ATXN10: variants seen among roughly 807,000 people sequenced by gnomAD.
ATXN10 encodes ataxin-10.
ATXN10 carries 28 observed loss-of-function variants against 52.9 expected under a neutral mutation model. The ratio of observed to expected loss-of-function variants is 0.53; its 90% CI spans 0.39 to 0.73. ATXN10 has a LOEUF of 0.73. Among genes scored for constraint, ATXN10 ranks in the 30% least tolerant of loss-of-function variants. ATXN10 has a pLI of 0.00. For missense variants in ATXN10, 565 were observed against 577.0 expected (o/e 0.98, Z 0.21); for synonymous variants, 226 against 221.5 (o/e 1.02, Z -0.18).
rs1928572603 is a variant in ATXN10, at chr22:45,819,252, G to GAATAGAATAGAATA, written c.1237+12230_1237+12231insAATAGAATAGAATA. Among the ~76,000 whole-genome samples, 1 of 143,194 alleles carries GAATAGAATAGAATA rather than the reference G, an allele frequency of 7.0e-6. No individual in the cohort carries two copies. 93.9% of individuals were successfully genotyped at this position (143,194 alleles called of 152,430 possible). ...GAATAGAATAGAATAGAATAGAATAGGCTTTTATAATTCTTAACTTTGTAT... is the reference window on the plus strand; with the variant it reads ...GAATAGAATAGAATAGAATAGAATAGAATAGAATAGAATAGCTTTTATAATTCTTAACTTTGTAT... On this transcript the variant is annotated intron_variant, in intron 10 of 11. Transcript: ENST00000252934. This position sits in a 1 kb window ranked among gnomAD's most constrained non-coding sequence, Gnocchi z 4.5.
At chr22:45,723,075 C>T (rs964008304) in intron 6 of ATXN10, among the ~76,000 whole-genome samples, 6 of 151,990 alleles carry the variant, frequency 3.9e-5, no homozygotes, top group African/African-American at 9.7e-5. Context: ...ATTTAGAGTA[C>T]GCATTTGGGC....
Position 45,701,420 on chromosome 22 carries a change from C to T in ATXN10, c.488+1042C>T, listed in dbSNP as rs1923839836. Among the ~76,000 whole-genome samples the T allele has an allele frequency of 6.6e-6, 1 of 152,126 alleles. No homozygotes were observed. The highest frequency in any genetic ancestry group is 2.4e-5 in the African/African-American group (1 of 41,416). On this transcript the variant is annotated intron_variant, in intron 4 of 11. Transcript: ENST00000252934. This position sits in a 1 kb window ranked among gnomAD's most constrained non-coding sequence, Gnocchi z 4.2. The stretch of plus-strand genomic sequence containing the variant: ...CCTTGTTGTACAGCTTTCCTGGGCT[C>T]CTCTGTGAAGTATAGCGTTAAGATG...
Position 45,837,721 on chromosome 22 carries a change from G to A in ATXN10, c.1238-5270G>A, listed in dbSNP as rs529792294. On this transcript the variant is annotated intron_variant, in intron 10 of 11. Transcript: ENST00000252934. The surrounding 1 kb of genome is among the most constrained non-coding windows in gnomAD (Gnocchi z 5.8). The stretch of plus-strand genomic sequence containing the variant: ...TCCACCCTGCCCTTGCAGTGTGACA[G>A]CAGCCGCCAACACAGGCAAGTGATG... Among the ~76,000 whole-genome samples the A allele has an allele frequency of 4.5e-4, 68 of 152,360 alleles. No homozygotes were observed. The highest frequency in any genetic ancestry group is 1.5e-3 in the African/African-American group (64 of 41,582).
At position 45,697,220 on chromosome 22, in the gene ATXN10, C is replaced by T. The variant is rs146243764; in HGVS notation, c.392-3062C>T. On this transcript the variant is annotated intron_variant, in intron 3 of 11. Coordinates refer to ENST00000252934, the MANE Select transcript of ATXN10 (RefSeq NM_013236.4). Reference sequence around the variant, plus strand: ...CACAATCTCGGCTCACTACAGTCTCCGCCTCCCAGGTTCAAGCAATTCTCC... The same window carrying T: ...CACAATCTCGGCTCACTACAGTCTCTGCCTCCCAGGTTCAAGCAATTCTCC... Among the ~76,000 whole-genome samples, 777 of 152,012 alleles carry T rather than the reference C, an allele frequency of 5.1e-3. 8 individuals are homozygous for T. The highest frequency in any genetic ancestry group is 5.1e-3 in the Non-Finnish European group (348 of 67,956).
At position 45,784,024 on chromosome 22, in the gene ATXN10, A is replaced by G. The variant is rs1246370020; in HGVS notation, c.1174-22935A>G. Among the ~76,000 whole-genome samples, 2 of 152,158 alleles carry G rather than the reference A, an allele frequency of 1.3e-5. No individual in the cohort carries two copies. Among genetic ancestry groups the G allele is most frequent in the Non-Finnish European group, 2.9e-5 (2 of 68,026 alleles). On this transcript the variant is annotated intron_variant, in intron 9 of 11. Coordinates refer to ENST00000252934, the MANE Select transcript of ATXN10 (RefSeq NM_013236.4). This position sits in a 1 kb window ranked among gnomAD's most constrained non-coding sequence, Gnocchi z 4.2. ...GCCGTCCCCTGTCCTACAGCAGGCC[A>G]GGTCTGTGTCACTGGCCCTCCCTCT... is the stretch of plus-strand genomic sequence containing the variant.
chr22:45,774,184 T>A lies in ATXN10; in HGVS notation c.1174-32775T>A, dbSNP rs944665336. ...ATGTCTGGGGGTGGCCCTGCCTTAG[T>A]AGGCATGGTGGGGCACCTGCCTCCT... On this transcript the variant is annotated intron_variant, in intron 9 of 11. Transcript: ENST00000252934. This position sits in a 1 kb window ranked among gnomAD's most constrained non-coding sequence, Gnocchi z 6.2. Among the ~76,000 whole-genome samples the A allele has an allele frequency of 4.6e-5, 7 of 152,230 alleles. No homozygotes were observed. The highest frequency in any genetic ancestry group is 1.7e-4 in the African/African-American group (7 of 41,462).
At position 45,750,565 on chromosome 22, in the gene ATXN10, A is replaced by G. The variant is rs148225196; in HGVS notation, c.1173+10027A>G. On this transcript the variant is annotated intron_variant, in intron 9 of 11. Coordinates refer to ENST00000252934, the MANE Select transcript of ATXN10 (RefSeq NM_013236.4). This position sits in a 1 kb window ranked among gnomAD's most constrained non-coding sequence, Gnocchi z 4.2. ...ATGGAATATGGGAAAGATATTAGTTATTTTTAAACTGATTTTTATTACTAG... is the reference window on the plus strand; with the variant it reads ...ATGGAATATGGGAAAGATATTAGTTGTTTTTAAACTGATTTTTATTACTAG... Among the ~76,000 whole-genome samples the G allele has an allele frequency of 4.1e-4, 62 of 152,354 alleles. No individual in the cohort carries two copies. The highest frequency in any genetic ancestry group is 1.5e-3 in the African/African-American group (61 of 41,592).
rs1200629049 is a variant in ATXN10 at position 45,783,788 on chromosome 22, A to G, written c.1174-23171A>G. Among the ~76,000 whole-genome samples the G allele has an allele frequency of 6.6e-6, 1 of 152,246 alleles. No individual in the cohort carries two copies. Among genetic ancestry groups the G allele is most frequent in the African/African-American group, 2.4e-5 (1 of 41,472 alleles). On this transcript the variant is annotated intron_variant, in intron 9 of 11. Transcript: ENST00000252934. This position sits in a 1 kb window ranked among gnomAD's most constrained non-coding sequence, Gnocchi z 5.0. ...ATTAAAAGAGGTGCCAGGTGTTAGCACACAGAGAAATAGGTCTTGGAAAAA... is the reference window on the plus strand; with the variant it reads ...ATTAAAAGAGGTGCCAGGTGTTAGCGCACAGAGAAATAGGTCTTGGAAAAA...
At chr22:45,710,797 G>A (rs577823683) in intron 5 of ATXN10, among the ~76,000 whole-genome samples, 1 of 152,210 alleles carries the variant, frequency 6.6e-6, no homozygotes, top group Admixed American at 6.5e-5. Flanking sequence ...AGTATTTCCT[G>A]TCTGGCCCTT....
chr22:45,697,852 G>A (rs1019851188), intron 3 of ATXN10, among the ~76,000 whole-genome samples: 2 of 151,664 alleles, frequency 1.3e-5, no homozygotes, highest in African/African-American at 4.8e-5. Context: ...GGATGGTCTC[G>A]ATCTCCTGAC....
At chr22:45,761,724 A>G (rs1926398372) in intron 9 of ATXN10, among the ~76,000 whole-genome samples, 1 of 152,236 alleles carries the variant, frequency 6.6e-6, no homozygotes, top group Non-Finnish European at 1.5e-5. Flanking sequence ...AGTTACATTA[A>G]AATCTGTTTT....
Position 45,789,753 on chromosome 22 carries a change from G to A in ATXN10, c.1174-17206G>A, listed in dbSNP as rs1927444646. Among the ~76,000 whole-genome samples the A allele has an allele frequency of 6.6e-6, 1 of 152,208 alleles. No individual in the cohort carries two copies. Among genetic ancestry groups the A allele is most frequent in the Non-Finnish European group, 1.5e-5 (1 of 68,046 alleles). On this transcript the variant is annotated intron_variant, in intron 9 of 11. Transcript: ENST00000252934. This position sits in a 1 kb window ranked among gnomAD's most constrained non-coding sequence, Gnocchi z 4.0. ...TAGGAGTGTGTCCTTCCTTTGGAGAGAAGCTCAGTTTGTCAGGATTGTCCT... is the reference window on the plus strand; with the variant it reads ...TAGGAGTGTGTCCTTCCTTTGGAGAAAAGCTCAGTTTGTCAGGATTGTCCT...
rs574438119 is a variant in ATXN10, at chr22:45,715,050, C to T, written c.648-3363C>T. Among the ~76,000 whole-genome samples the T allele has an allele frequency of 2.0e-5, 3 of 152,294 alleles. No homozygotes were observed. Among genetic ancestry groups the T allele is most frequent in the East Asian group, 1.9e-4 (1 of 5,182 alleles). On this transcript the variant is annotated intron_variant, in intron 5 of 11. Coordinates refer to ENST00000252934, the MANE Select transcript of ATXN10 (RefSeq NM_013236.4). This position sits in a 1 kb window ranked among gnomAD's most constrained non-coding sequence, Gnocchi z 4.4. ...TACTTCAACTTTTGCTTCCTAACCA[C>T]GCATTCCAGCATGCAGAACTCAGTC... is the stretch of plus-strand genomic sequence containing the variant.
chr22:45,815,468 T>G (rs1185916443), intron 10 of ATXN10, among the ~76,000 whole-genome samples: 1 of 152,216 alleles, frequency 6.6e-6, no homozygotes, highest in African/African-American at 2.4e-5. Context: ...TGCACTCGTA[T>G]TAAAATTGTT....
rs144339210 is a variant in ATXN10, at chr22:45,716,508, T to G, written c.648-1905T>G. 4.0e-3 allele frequency among the ~76,000 whole-genome samples: 612 copies of G among 151,964 alleles called. 10 individuals carry two copies. Among genetic ancestry groups the G allele is most frequent in the Admixed American group, 0.014 (216 of 15,258 alleles). On this transcript the variant is annotated intron_variant, in intron 5 of 11. Transcript: ENST00000252934. Reference sequence around the variant, plus strand: ...GCACCACCACATCCAACTATTTTTTTTGTGTGTTTTTGGTAGCGATGGGGT... The same window carrying G: ...GCACCACCACATCCAACTATTTTTTGTGTGTGTTTTTGGTAGCGATGGGGT...
At chr22:45,698,026 C>A (rs1320796291) in intron 3 of ATXN10, among the ~76,000 whole-genome samples, 1 of 152,168 alleles carries the variant, frequency 6.6e-6, no homozygotes, top group Non-Finnish European at 1.5e-5. Context: ...TTTGATATAT[C>A]ACATTTTGTT....
In ATXN10 at chr22:45,824,670, G is replaced by A. The variant is rs2146903703; in HGVS notation, c.1237+17648G>A. 6.6e-6 allele frequency among the ~76,000 whole-genome samples: 1 copy of A among 152,366 alleles called. No individual in the cohort carries two copies. The highest frequency in any genetic ancestry group is 2.4e-5 in the African/African-American group (1 of 41,588). On this transcript the variant is annotated intron_variant, in intron 10 of 11. Transcript: ENST00000252934. The surrounding 1 kb of genome is among the most constrained non-coding windows in gnomAD (Gnocchi z 5.2). ...CAGTAAACACATCACATATCCATGGGTATATGGTGGCAGCTAGAAAACAAA... is the reference window on the plus strand; with the variant it reads ...CAGTAAACACATCACATATCCATGGATATATGGTGGCAGCTAGAAAACAAA...
chr22:45,828,571 A>G lies in ATXN10; in HGVS notation c.1238-14420A>G, dbSNP rs552844236. Among the ~76,000 whole-genome samples, 9 of 152,318 alleles carry G rather than the reference A, an allele frequency of 5.9e-5. No individual in the cohort carries two copies. The highest frequency in any genetic ancestry group is 1.9e-4 in the East Asian group (1 of 5,184). ...CAGAAATGAAAGTGGGGACATTACT[A>G]CTGATTCTACAGAAATAAAAAGGGT... On this transcript the variant is annotated intron_variant, in intron 10 of 11. Coordinates refer to ENST00000252934, the MANE Select transcript of ATXN10 (RefSeq NM_013236.4). This position sits in a 1 kb window ranked among gnomAD's most constrained non-coding sequence, Gnocchi z 4.5.
At position 45,826,537 on chromosome 22, in the gene ATXN10, A is replaced by G. The variant is rs906559736; in HGVS notation, c.1238-16454A>G. Among the ~76,000 whole-genome samples, 3 of 152,234 alleles carry G rather than the reference A, an allele frequency of 2.0e-5. No individual in the cohort carries two copies. Among genetic ancestry groups the G allele is most frequent in the African/African-American group, 7.2e-5 (3 of 41,466 alleles). On this transcript the variant is annotated intron_variant, in intron 10 of 11. Transcript: ENST00000252934. This position sits in a 1 kb window ranked among gnomAD's most constrained non-coding sequence, Gnocchi z 5.0. Reference sequence around the variant, plus strand: ...GATAAAGAGAATCTTAAAAGCAGCAAGGAAGAAGCAGCCCATCACATGCAA... The same window carrying G: ...GATAAAGAGAATCTTAAAAGCAGCAGGGAAGAAGCAGCCCATCACATGCAA...
Sources: gnomAD v4.1 joint callset for allele counts (sites outside exome capture counted in the v4.1 genomes callset) on GRCh38, gnomAD v4.1.1 for gene constraint, Gnocchi (gnomAD v3.1) non-coding constraint, MANE v1.5 for transcripts, NCBI Gene and HGNC (gene_info 2026-07-23, HGNC 2026-07-21) for gene names.